The following THSD7B variants were observed in gnomAD, a reference collection of about 807,000 sequenced individuals.
THSD7B encodes thrombospondin type 1 domain containing 7B.
Under a neutral mutation model 213.6 loss-of-function variants are expected in THSD7B, and 138 were observed. That is an observed-to-expected ratio of 0.65 (90% CI 0.56 to 0.74). THSD7B has a LOEUF of 0.74. Among genes scored for constraint, THSD7B ranks in the 30% least tolerant of loss-of-function variants. The pLI is 0.00. For missense variants in THSD7B, 1,931 were observed against 1,991.5 expected (o/e 0.97, Z 0.58); for synonymous variants, 742 against 687.0 (o/e 1.08, Z -1.25).
At chr2:137,438,793 T>A (rs927652073) in intron 14 of THSD7B, among the ~76,000 whole-genome samples, 1 of 152,150 alleles carries the variant, frequency 6.6e-6, no homozygotes, top group Non-Finnish European at 1.5e-5. Flanking sequence ...ACAAAAGATA[T>A]GTTGAAGTTC....
chr2:137,503,685 G>T (rs1216949585), intron 15 of THSD7B, among the ~76,000 whole-genome samples: 1 of 152,142 alleles, frequency 6.6e-6, no homozygotes, highest in Non-Finnish European at 1.5e-5. Context: ...GTGAACCCTA[G>T]TTCCCTCCTC....
Position 137,272,646 on chromosome 2 carries a change from T to G in THSD7B, c.2380T>G (p.Leu794Val). The change falls in exon 11 of 28, where the codon TTG becomes GTG. Residue 794 changes from leucine (L) to valine (V), a missense_variant. Physicochemically the swap from Leu to Val is conservative, Grantham distance 32. Coordinates refer to ENST00000409968, the MANE Select transcript of THSD7B (RefSeq NM_001316349.2). Reference protein sequence around the residue: ...YEERECEDVSLCPVYRWKPQK... With the variant: ...YEERECEDVSVCPVYRWKPQK... ...GGAGAGAGAGTGTGAAGATGTTTCC[T>G]TGTGTCCTGTATATCGGCAAGTAGT... is the stretch of plus-strand genomic sequence containing the variant. The G allele has an allele frequency of 6.2e-7, 1 of 1,611,870 alleles. No homozygotes were observed. The highest frequency in any genetic ancestry group is 8.5e-7 in the Non-Finnish European group (1 of 1,178,810).
intron 5 of THSD7B, 25 bp from the exon 6 acceptor site, chr2:137,160,188 G>T (rs747579925): frequency 1.2e-6 from 2 of 1,600,796 alleles, no homozygotes; most frequent in Admixed American, 1.7e-5. Context: ...AATGTGACAT[G>T]GTCCGTTATC....
chr2:137,266,849 CT>C (rs1682602952), intron 10 of THSD7B, among the ~76,000 whole-genome samples: 1 of 152,146 alleles, frequency 6.6e-6, no homozygotes, highest in African/African-American at 2.4e-5. Flanking sequence ...TGCTGTTCCC[CT>C]ACTCTTACAT....
intron 2 of THSD7B, chr2:136,990,807 C>A: frequency 9.1e-7 from 1 of 1,101,862 alleles, no homozygotes; most frequent in East Asian, 5.8e-5. Context: ...GCCACAGTGC[C>A]TGGCCGATGG....
At chr2:137,049,612 G>A (rs535869853) in intron 2 of THSD7B, among the ~76,000 whole-genome samples, 58 of 152,010 alleles carry the variant, frequency 3.8e-4, no homozygotes, top group Non-Finnish European at 6.9e-4. Flanking sequence ...GCTGTCTGAG[G>A]GTTCATTCCT....
intron 15 of THSD7B, among the ~76,000 whole-genome samples, chr2:137,556,843 G>A (rs1051566261): frequency 1.3e-5 from 2 of 152,138 alleles, no homozygotes; most frequent in African/African-American, 4.8e-5. Context: ...AGGGATGGAG[G>A]AAGATCTACC....
intron 14 of THSD7B, among the ~76,000 whole-genome samples, chr2:137,425,509 G>A (rs10803557): frequency 1 from 151,889 of 152,278 alleles, 75,754 homozygotes; most frequent in Middle Eastern, 1. Flanking sequence ...GAGCCCCTGT[G>A]CCTGGCCCTA....
At chr2:137,169,284 A>T (rs1680194826) in intron 6 of THSD7B, among the ~76,000 whole-genome samples, 1 of 136,414 alleles carries the variant, frequency 7.3e-6, no homozygotes, top group African/African-American at 2.7e-5. Flanking sequence ...GCTTTATTTG[A>T]GGTTTTTTTT....
intron 4 of THSD7B, among the ~76,000 whole-genome samples, chr2:137,112,284 A>T (rs990733504): frequency 1.1e-4 from 16 of 152,262 alleles, no homozygotes; most frequent in Admixed American, 2.0e-4. Flanking sequence ...CCATATTTTT[A>T]AAAAAAGGAA....
intron 1 of THSD7B, among the ~76,000 whole-genome samples, chr2:136,771,658 A>T (rs532108784): frequency 1.2e-4 from 19 of 152,260 alleles, no homozygotes; most frequent in African/African-American, 4.1e-4. Flanking sequence ...ATGCCAATTC[A>T]CAAAGCCCTC....
chr2:136,994,943 A>G (rs1685856420), intron 2 of THSD7B, among the ~76,000 whole-genome samples: 1 of 152,220 alleles, frequency 6.6e-6, no homozygotes, highest in Non-Finnish European at 1.5e-5. Flanking sequence ...GAGTTGCTAG[A>G]TGCTGGGATC....
chr2:137,411,074 A>G (rs1228309188), intron 13 of THSD7B, among the ~76,000 whole-genome samples: 1 of 152,272 alleles, frequency 6.6e-6, no homozygotes, highest in Non-Finnish European at 1.5e-5. Context: ...TTTTTCTCTG[A>G]TTAAATTATC....
At chr2:137,347,361 G>A (rs1219418893) in intron 12 of THSD7B, among the ~76,000 whole-genome samples, 1 of 151,612 alleles carries the variant, frequency 6.6e-6, no homozygotes, top group African/African-American at 2.4e-5. Context: ...TGAGAAGTCA[G>A]TAGTGTTCCA....
intron 12 of THSD7B, among the ~76,000 whole-genome samples, chr2:137,357,004 A>T (rs1024981917): frequency 2.2e-5 from 3 of 136,030 alleles, no homozygotes; most frequent in Non-Finnish European, 3.2e-5. Context: ...ACACACACAC[A>T]CTTTAACCTC....
At chr2:137,653,785 CTG>C (rs77405038) in intron 21 of THSD7B, among the ~76,000 whole-genome samples, 13,200 of 151,792 alleles carry the variant, frequency 0.087, 650 homozygotes, top group Middle Eastern at 0.16. Flanking sequence ...TTATTTCAAA[CTG>C]TTTAATTTCT....
chr2:137,313,315 G>C (rs1018744989), intron 12 of THSD7B, among the ~76,000 whole-genome samples: 5 of 152,070 alleles, frequency 3.3e-5, no homozygotes, highest in South Asian at 2.1e-4. Context: ...TTTTATCAGA[G>C]ATGAGGATTG....
intron 1 of THSD7B, among the ~76,000 whole-genome samples, chr2:136,857,586 T>G (rs1439162303): frequency 6.6e-6 from 1 of 151,512 alleles, no homozygotes; most frequent in Non-Finnish European, 1.5e-5. Flanking sequence ...CTAATTTATA[T>G]AATTCATTAT....
intron 5 of THSD7B, among the ~76,000 whole-genome samples, chr2:137,127,282 G>T (rs1688647299): frequency 6.6e-6 from 1 of 152,110 alleles, no homozygotes; most frequent in South Asian, 2.1e-4. Flanking sequence ...GAGGAGATTA[G>T]AATTTTTACT....
Sources: gnomAD v4.1 joint callset for allele counts (sites outside exome capture counted in the v4.1 genomes callset) on GRCh38, gnomAD v4.1.1 for gene constraint, MANE v1.5 for transcripts, NCBI Gene and HGNC (gene_info 2026-07-23, HGNC 2026-07-21) for gene names.